The following PARP11 variants were observed in gnomAD, a reference collection of about 807,000 sequenced individuals.
PARP11 encodes protein mono-ADP-ribosyltransferase PARP11.
In PARP11, 31 loss-of-function variants were observed where a neutral mutation model predicts 42.9. That is an observed-to-expected ratio of 0.72 (90% CI 0.54 to 0.98). The LOEUF is 0.98. PARP11 is among the 50% of genes least tolerant of loss of function. PARP11 has a pLI of 0.00. For synonymous variants in PARP11, 137 were observed against 127.3 expected, an observed-to-expected ratio of 1.08 and a Z score of -0.51; for missense variants, 365 against 413.1, an observed-to-expected ratio of 0.88 and a Z score of 1.01.
At chr12:3,851,419 T>G (rs1948093151) in intron 1 of PARP11, among the ~76,000 whole-genome samples, 1 of 152,234 alleles carries the variant, frequency 6.6e-6, no homozygotes, top group Non-Finnish European at 1.5e-5. Context: ...TACTGCCCTT[T>G]ACCAACAGTC....
intron 1 of PARP11, among the ~76,000 whole-genome samples, chr12:3,846,142 T>G (rs1409318319): frequency 2.6e-5 from 4 of 152,216 alleles, no homozygotes; most frequent in Non-Finnish European, 5.9e-5. Context: ...GTTGAATATA[T>G]TCCTGTTTAT....
At chr12:3,843,588 G>C (rs772095127) in intron 1 of PARP11, among the ~76,000 whole-genome samples, 2 of 152,102 alleles carry the variant, frequency 1.3e-5, no homozygotes, top group African/African-American at 4.8e-5. Context: ...TTTTCTAGAG[G>C]ATGCTGCTAG....
chr12:3,839,679 T>C, intron 1 of PARP11: 2 of 977,014 alleles, frequency 2.0e-6, no homozygotes, highest in South Asian at 2.6e-5. Flanking sequence ...CTAATGTTTC[T>C]CCTTCACAAG....
chr12:3,825,294 TG>T, intron 4 of PARP11, among the ~76,000 whole-genome samples: 1 of 152,246 alleles, frequency 6.6e-6, no homozygotes, highest in Non-Finnish European at 1.5e-5. Context: ...AGACTTCTTA[TG>T]GCCAGAGCAA....
intron 1 of PARP11, chr12:3,841,194 G>A: frequency 1.1e-5 from 17 of 1,542,434 alleles, no homozygotes; most frequent in Non-Finnish European, 1.4e-5. Context: ...GTAATGAAAA[G>A]GGAGATCGAG....
chr12:3,856,832 C>G (rs1345574142), intron 1 of PARP11, among the ~76,000 whole-genome samples: 1 of 152,122 alleles, frequency 6.6e-6, no homozygotes, highest in Non-Finnish European at 1.5e-5. Context: ...TGCACACATA[C>G]GTTTACTGTG....
At chr12:3,838,177 A>G (rs986878396) in intron 1 of PARP11, among the ~76,000 whole-genome samples, 3 of 151,350 alleles carry the variant, frequency 2.0e-5, no homozygotes, top group African/African-American at 7.3e-5. Flanking sequence ...CAACACATGA[A>G]ATATTCTTCA....
chr12:3,839,323 C>A, intron 1 of PARP11: 1 of 1,528,696 alleles, frequency 6.5e-7, no homozygotes, highest in Non-Finnish European at 8.7e-7. Context: ...CGTCGGCGTC[C>A]CCGACGGCGA....
intron 1 of PARP11, among the ~76,000 whole-genome samples, chr12:3,837,568 A>C (rs921130903): frequency 1.3e-5 from 2 of 152,212 alleles, no homozygotes; most frequent in Non-Finnish European, 2.9e-5. Context: ...AAAATAAGCA[A>C]CAAAATGAAC....
intron 1 of PARP11, among the ~76,000 whole-genome samples, chr12:3,846,512 T>G (rs1948000151): frequency 1.3e-5 from 2 of 152,054 alleles, no homozygotes; most frequent in Non-Finnish European, 2.9e-5. Flanking sequence ...ATCCCAGCAC[T>G]TTGGGAGGCC....
intron 1 of PARP11, among the ~76,000 whole-genome samples, chr12:3,844,399 G>C (rs1947956968): frequency 6.6e-6 from 1 of 152,194 alleles, no homozygotes; most frequent in Non-Finnish European, 1.5e-5. Flanking sequence ...GGAATGAGAA[G>C]ATAGAGGGTC....
At chr12:3,826,072 C>T in intron 4 of PARP11, 86 bp downstream of exon 4, 1 of 783,922 alleles carries the variant, frequency 1.3e-6, no homozygotes, top group Non-Finnish European at 2.0e-6. Flanking sequence ...AATGACCTAC[C>T]AAAATATTTC....
In PARP11 at chr12:3,861,500, T is replaced by C. The variant is rs1411252150; in HGVS notation, c.18+11712A>G. On this transcript the variant is annotated intron_variant, in intron 1 of 7. Coordinates refer to ENST00000228820, the MANE Select transcript of PARP11 (RefSeq NM_020367.6). This position sits in a 1 kb window ranked among gnomAD's most constrained non-coding sequence, Gnocchi z 4.6. ...TTGGTGCAGTGTCTATTCATATCTT[T>C]AGCTCACTTTAAAAAATTGAGTTCC... 2.6e-5 allele frequency among the ~76,000 whole-genome samples: 4 copies of C among 152,212 alleles called. No individual in the cohort carries two copies. In the East Asian group the frequency reaches 7.7e-4, roughly 29 times the overall value.
At chr12:3,839,627 T>C in intron 1 of PARP11, 1 of 1,033,548 alleles carries the variant, frequency 9.7e-7, no homozygotes, top group Admixed American at 1.7e-5. Context: ...ATAAGTGCCC[T>C]TTCTCTTATG....
At chr12:3,822,978 GCA>G (rs1200753786) in intron 4 of PARP11, among the ~76,000 whole-genome samples, 1 of 152,072 alleles carries the variant, frequency 6.6e-6, no homozygotes, top group African/African-American at 2.4e-5. Context: ...AGGGTTATTA[GCA>G]CAGTCAGTCA....
intron 1 of PARP11, among the ~76,000 whole-genome samples, chr12:3,853,143 A>G (rs1305141340): frequency 6.6e-6 from 1 of 152,246 alleles, no homozygotes; most frequent in Non-Finnish European, 1.5e-5. Context: ...AGCACTAAAC[A>G]TGGAAAGGAA....
intron 6 of PARP11, among the ~76,000 whole-genome samples, chr12:3,818,714 T>C (rs1264865197): frequency 6.6e-6 from 1 of 152,274 alleles, no homozygotes; most frequent in South Asian, 2.1e-4. Flanking sequence ...GGCCTTCTTA[T>C]TGAAAAATGC....
intron 1 of PARP11, chr12:3,839,905 T>C (rs1428670561): frequency 5.3e-5 from 57 of 1,070,602 alleles, no homozygotes; most frequent in Non-Finnish European, 7.9e-5. Flanking sequence ...CAGTGAAATA[T>C]CAGATTCAGA....
intron 6 of PARP11, among the ~76,000 whole-genome samples, 184 bp downstream of exon 6, chr12:3,821,687 AAG>A (rs1947395710): frequency 6.6e-6 from 1 of 152,230 alleles, no homozygotes; most frequent in Non-Finnish European, 1.5e-5. Flanking sequence ...GCAATGCTAC[AAG>A]CAAAGTTTAC....
Sources: allele counts gnomAD v4.1 joint callset (sites outside exome capture counted in the v4.1 genomes callset), GRCh38; gene constraint gnomAD v4.1.1; non-coding constraint Gnocchi (gnomAD v3.1); transcripts MANE v1.5; gene names NCBI Gene and HGNC (gene_info 2026-07-23, HGNC 2026-07-21).